MORN1: variants seen among roughly 807,000 people sequenced by gnomAD.
The protein encoded by MORN1 is MORN repeat-containing protein 1.
A neutral mutation model predicts 61.9 loss-of-function variants in MORN1; 67 were observed. That is an observed-to-expected ratio of 1.08 (90% confidence interval 0.89 to 1.33). The LOEUF (loss-of-function observed/expected upper bound fraction) is 1.33. MORN1 is among the 40% of genes most tolerant of loss of function. MORN1 has a pLI of 0.00. For missense variants in MORN1, 752 were observed against 691.2 expected (o/e 1.09, Z -0.99); for synonymous variants, 301 against 292.0 (o/e 1.03, Z -0.31).
intron 13 of MORN1, chr1:2,322,794 G>A (rs1640911935): frequency 1.0e-6 from 1 of 985,356 alleles, no homozygotes; most frequent in South Asian, 4.7e-5. Context: ...AGTGGGCAGT[G>A]GCTGAGGAGC....
At chr1:2,346,567 G>T (rs993286377) in intron 10 of MORN1, among the ~76,000 whole-genome samples, 2 of 152,086 alleles carry the variant, frequency 1.3e-5, no homozygotes, top group African/African-American at 4.8e-5. Flanking sequence ...TGTATTTTTA[G>T]TAGGGATGGG....
intron 10 of MORN1, among the ~76,000 whole-genome samples, chr1:2,348,540 T>C (rs1441859636): frequency 6.6e-6 from 1 of 152,166 alleles, no homozygotes; most frequent in Non-Finnish European, 1.5e-5. Flanking sequence ...TCCTGCCTGC[T>C]GGGGAGCCGC....
At chr1:2,354,501 A>C (rs1641717419) in intron 10 of MORN1, among the ~76,000 whole-genome samples, 2 of 152,096 alleles carry the variant, frequency 1.3e-5, no homozygotes, top group African/African-American at 4.8e-5. Context: ...CGGGAGGTGG[A>C]GGCTGCGATG....
intron 10 of MORN1, among the ~76,000 whole-genome samples, chr1:2,356,373 A>G (rs1349998289): frequency 6.6e-6 from 1 of 152,146 alleles, no homozygotes; most frequent in Non-Finnish European, 1.5e-5. Flanking sequence ...GTGGTGGCAC[A>G]CAGCCCACCC....
chr1:2,327,539 C>T (rs1341793933), intron 12 of MORN1, among the ~76,000 whole-genome samples: 1 of 152,212 alleles, frequency 6.6e-6, no homozygotes, highest in Non-Finnish European at 1.5e-5. Flanking sequence ...CAGAGAAACA[C>T]AGAAACACAC....
intron 1 of MORN1, chr1:2,390,623 G>C (rs897545240): frequency 1.6e-5 from 16 of 985,296 alleles, no homozygotes; most frequent in Non-Finnish European, 1.9e-5. Context: ...GGAGGGCAGG[G>C]GGTTACTACA....
chr1:2,322,159 T>C, intron 13 of MORN1: 1 of 985,420 alleles, frequency 1.0e-6, no homozygotes, highest in Non-Finnish European at 1.2e-6. Flanking sequence ...GAAAAGTACT[T>C]TTCCTTTCAC....
chr1:2,380,495 G>A (rs1248141477), intron 6 of MORN1, among the ~76,000 whole-genome samples: 1 of 152,160 alleles, frequency 6.6e-6, no homozygotes, highest in Non-Finnish European at 1.5e-5. Flanking sequence ...TAGTTAAGAT[G>A]CTAAGTTTTA....
chr1:2,321,546 G>T lies in MORN1; in HGVS notation c.1331C>A (p.Thr444Asn). ...EYVLMIRDVT[T>N]PPFLGRRLPP... ...CAGCCTGCGCCCCAGGAACGGCGGG[G>T]TGGTCACGTCGCGGATCATGAGCAC... The change falls in exon 14 of 14, where the codon ACC (threonine) becomes AAC (asparagine). Residue 444 changes from threonine to asparagine, a missense_variant. Coordinates refer to ENST00000378531, the MANE Select transcript of MORN1 (RefSeq NM_024848.3). 6.5e-7 allele frequency: 1 copy of T among 1,528,334 alleles called. No individual in the cohort carries two copies. Among genetic ancestry groups the T allele is most frequent in the Non-Finnish European group, 8.8e-7 (1 of 1,135,750 alleles). 94.7% of individuals were successfully genotyped at this position (1,528,334 alleles called of 1,614,324 possible).
chr1:2,382,349 C>A (rs1423899689), intron 6 of MORN1, among the ~76,000 whole-genome samples: 1 of 152,190 alleles, frequency 6.6e-6, no homozygotes, highest in Non-Finnish European at 1.5e-5. Context: ...ATCCTAGCAC[C>A]TCAGCTTCCT....
rs1641299841 is a variant in MORN1, at chr1:2,337,202, G to A, written c.1037-352C>T. 6.6e-6 allele frequency among the ~76,000 whole-genome samples: 1 copy of A among 152,226 alleles called. No homozygotes were observed. The highest frequency in any genetic ancestry group is 1.5e-5 in the Non-Finnish European group (1 of 68,032). On this transcript the variant is annotated intron_variant, in intron 10 of 13. Transcript: ENST00000378531. The surrounding 1 kb of genome is among the most constrained non-coding windows in gnomAD (Gnocchi z 5.7). Reference sequence around the variant, plus strand: ...GCTTCCAGGGTAGGGCCGGGACCGGGGCCCTGGCCGGAGAGGCTGGCGCTC... The same window carrying A: ...GCTTCCAGGGTAGGGCCGGGACCGGAGCCCTGGCCGGAGAGGCTGGCGCTC...
At position 2,374,719 on chromosome 1, in the gene MORN1, T is replaced by C. The variant is rs1044419891; in HGVS notation, c.538-162A>G. The C allele has an allele frequency of 5.1e-6, 3 of 583,478 alleles. No homozygotes were observed. In the African/African-American group the frequency reaches 5.6e-5, roughly 11 times the overall value. The allele number at this position is 583,478 out of a possible 1,614,324, so 36.1% of individuals were successfully genotyped here. ...GTCCTTGCAGCCTGTCCCTCGGTGG[T>C]GAGAAACTGTTTCATTAGAATGCAA... On this transcript the variant is annotated intron_variant, in intron 6 of 13. Coordinates refer to ENST00000378531, the MANE Select transcript of MORN1 (RefSeq NM_024848.3).
chr1:2,385,155 G>GT, intron 5 of MORN1, 90 bp from the exon 6 acceptor site: 3 of 1,371,982 alleles, frequency 2.2e-6, no homozygotes, highest in Non-Finnish European at 3.0e-6. Context: ...GGGCTCCGCA[G>GT]GCACTGCGGG....
intron 13 of MORN1, chr1:2,322,102 C>T (rs927392043): frequency 2.2e-5 from 22 of 985,304 alleles, no homozygotes; most frequent in African/African-American, 7.0e-5. Flanking sequence ...TGGGGCTCTC[C>T]GGGTGGGGCT....
At chr1:2,324,247 GC>G in intron 12 of MORN1, 104 bp from the exon 13 acceptor site, 2 of 1,259,848 alleles carry the variant, frequency 1.6e-6, no homozygotes, top group Non-Finnish European at 2.2e-6. Flanking sequence ...CAGATTCAGG[GC>G]CCCAGCACAG....
intron 2 of MORN1, 49 bp downstream of exon 2, chr1:2,389,876 G>A (rs756921997): frequency 5.1e-6 from 8 of 1,560,126 alleles, no homozygotes; most frequent in South Asian, 2.2e-5. Flanking sequence ...AACTGGTTTC[G>A]TCAGCTGTGG....
At chr1:2,385,745 G>T in intron 5 of MORN1, 62 bp downstream of exon 5, 1 of 1,486,986 alleles carries the variant, frequency 6.7e-7, no homozygotes, top group Non-Finnish European at 9.4e-7. Flanking sequence ...AGGCCACATG[G>T]CCTCACACCT....
chr1:2,371,908 CAAAA>C (rs60972860), intron 8 of MORN1: 25 of 108,004 alleles, frequency 2.3e-4, no homozygotes, highest in South Asian at 1.1e-3. Context: ...AACTCCATCT[CAAAA>C]AAAAAAAAAA....
Position 2,336,831 on chromosome 1 carries a change from A to G in MORN1, c.1056T>C (p.His352=). The change falls in exon 11 of 14, where the codon CAT becomes CAC. Residue 352 remains histidine (H), a synonymous_variant. Transcript: ENST00000378531. The part of the protein sequence containing the change: ...GGLLARGHAP[H]CPGACQRVEQ... ...CCACTCGCTGACAGGCCCCGGGACAATGGGGCGCATGTCCCCTGGCTGAGG... is the reference window on the plus strand; with the variant it reads ...CCACTCGCTGACAGGCCCCGGGACAGTGGGGCGCATGTCCCCTGGCTGAGG... 1 of 1,581,684 alleles carries G rather than the reference A, an allele frequency of 6.3e-7. No individual in the cohort carries two copies. Among genetic ancestry groups the G allele is most frequent in the Middle Eastern group, 1.7e-4 (1 of 5,856 alleles).
Sources: gnomAD v4.1 joint callset for allele counts (sites outside exome capture counted in the v4.1 genomes callset) on GRCh38, gnomAD v4.1.1 for gene constraint, Gnocchi (gnomAD v3.1) non-coding constraint, MANE v1.5 for transcripts, NCBI Gene and HGNC (gene_info 2026-07-23, HGNC 2026-07-21) for gene names.